Variants in PLCL2 observed in about 807,000 individuals in gnomAD.
PLCL2 encodes phospholipase C like 2.
A neutral mutation model predicts 79.6 loss-of-function variants in PLCL2; 4 were observed. The ratio of observed to expected loss-of-function variants is 0.05; its 90% confidence interval spans 0.02 to 0.11. PLCL2 has a LOEUF of 0.11. PLCL2 is among the 10% of genes least tolerant of loss of function. The pLI is 1.00. For missense variants in PLCL2, 895 were observed against 1,291.0 expected, an observed-to-expected ratio of 0.69 and a Z score of 4.70; for synonymous variants, 484 against 457.7, an observed-to-expected ratio of 1.06 and a Z score of -0.73.
chr3:16,929,395 A>T (rs1697342984), intron 1 of PLCL2, among the ~76,000 whole-genome samples: 1 of 152,062 alleles, frequency 6.6e-6, no homozygotes, highest in East Asian at 1.9e-4. Context: ...TCCCAAAAAG[A>T]CTTCTGGGAA....
intron 3 of PLCL2, among the ~76,000 whole-genome samples, chr3:17,019,536 G>A (rs57112991): frequency 0.052 from 7,881 of 152,090 alleles, 704 homozygotes; most frequent in African/African-American, 0.18. Context: ...AATGATCAAT[G>A]TAGCAATAAA....
At chr3:16,904,306 C>CAAAA (rs547582289) in intron 1 of PLCL2, among the ~76,000 whole-genome samples, 2 of 116,132 alleles carry the variant, frequency 1.7e-5, no homozygotes, top group Non-Finnish European at 3.6e-5. Context: ...GAGATCTTGA[C>CAAAA]AAAAAAAAAA....
intron 1 of PLCL2, among the ~76,000 whole-genome samples, chr3:16,973,934 G>A (rs1421315241): frequency 6.6e-6 from 1 of 152,220 alleles, no homozygotes; most frequent in Non-Finnish European, 1.5e-5. Context: ...AGAACATATA[G>A]TAGGAGAGTT....
At chr3:16,989,066 T>C (rs1335869878) in intron 1 of PLCL2, among the ~76,000 whole-genome samples, 1 of 152,114 alleles carries the variant, frequency 6.6e-6, no homozygotes, top group Non-Finnish European at 1.5e-5. Context: ...GCTTTCTCTT[T>C]ATGGCATTTG....
At chr3:17,045,891 T>C (rs6789069) in intron 4 of PLCL2, among the ~76,000 whole-genome samples, 24,348 of 152,076 alleles carry the variant, frequency 0.16, 2,352 homozygotes, top group Non-Finnish European at 0.2. Flanking sequence ...TGTTTTCCAT[T>C]GACGAGGTAA....
chr3:16,965,031 C>A (rs899703398), intron 1 of PLCL2, among the ~76,000 whole-genome samples: 4 of 151,616 alleles, frequency 2.6e-5, no homozygotes, highest in Non-Finnish European at 5.9e-5. Flanking sequence ...TTAATTAGAT[C>A]CCATTGGTCA....
rs567920972 is a variant in PLCL2, at chr3:17,042,744, G to A, written c.3019-130G>A. The A allele has an allele frequency of 2.9e-5, 19 of 657,698 alleles. No homozygotes were observed. In the East Asian group the frequency reaches 4.5e-4, roughly 16 times the overall value. The allele number at this position is 657,698 out of a possible 1,614,324, so 40.7% of individuals were successfully genotyped here. A position where few individuals can be genotyped will look rare whatever the true frequency, so the allele number is the denominator to read the frequency against. On this transcript the variant is annotated intron_variant, in intron 3 of 5. Coordinates refer to ENST00000615277, the MANE Select transcript of PLCL2 (RefSeq NM_001144382.2). ...TCACATGCACATTTGAAGTTGAGTA[G>A]TGGAAAGTCAGATAAAAAAGCGTTT...
At position 17,055,393 on chromosome 3, in the gene PLCL2, G is replaced by C. The variant is rs934548331; in HGVS notation, c.3094+12444G>C. The stretch of plus-strand genomic sequence containing the variant: ...CCTTCATCACTGATAAGGGATGGCA[G>C]AGGAAATGACCACAAAGACAACAAC... On this transcript the variant is annotated intron_variant, in intron 4 of 5. Coordinates refer to ENST00000615277, the MANE Select transcript of PLCL2 (RefSeq NM_001144382.2). Among the ~76,000 whole-genome samples, 5 of 152,268 alleles carry C rather than the reference G, an allele frequency of 3.3e-5. No individual in the cohort carries two copies. In the East Asian group the frequency reaches 7.7e-4, roughly 24 times the overall value.
chr3:16,957,222 T>A (rs1475045098), intron 1 of PLCL2, among the ~76,000 whole-genome samples: 1 of 152,204 alleles, frequency 6.6e-6, no homozygotes, highest in African/African-American at 2.4e-5. Flanking sequence ...GATTCTGGTA[T>A]GTTGTGTGTT....
intron 3 of PLCL2, among the ~76,000 whole-genome samples, chr3:17,018,001 CT>C (rs2064405631): frequency 6.6e-6 from 1 of 152,050 alleles, no homozygotes; most frequent in Non-Finnish European, 1.5e-5. Context: ...TGGGGTGAGC[CT>C]GGGACCTAGC....
chr3:17,027,602 A>G (rs1324490942), intron 3 of PLCL2, among the ~76,000 whole-genome samples: 1 of 152,124 alleles, frequency 6.6e-6, no homozygotes, highest in African/African-American at 2.4e-5. Context: ...ACCTTTGCCA[A>G]CCTAAATTAT....
chr3:17,071,897 G>A lies in PLCL2; in HGVS notation c.3204+3832G>A, dbSNP rs113690175. 6.5e-3 allele frequency among the ~76,000 whole-genome samples: 994 copies of A among 151,912 alleles called. 8 individuals carry two copies. Among genetic ancestry groups the A allele is most frequent in the Admixed American group, 0.011 (166 of 15,260 alleles). On this transcript the variant is annotated intron_variant, in intron 5 of 5. Coordinates refer to ENST00000615277, the MANE Select transcript of PLCL2 (RefSeq NM_001144382.2). ...GCTGGAGTCCAGTGGCACAATCTCG[G>A]CTCACTGCAACCTCTGCCTCCTGGG...
At chr3:17,001,071 C>A (rs77380358) in intron 1 of PLCL2, among the ~76,000 whole-genome samples, 1 of 151,172 alleles carries the variant, frequency 6.6e-6, no homozygotes, top group South Asian at 2.1e-4. Context: ...TCTACACCAG[C>A]TTTTTTTTTC....
chr3:16,983,722 A>G (rs1309424399), intron 1 of PLCL2, among the ~76,000 whole-genome samples: 2 of 152,244 alleles, frequency 1.3e-5, no homozygotes, highest in African/African-American at 4.8e-5. Context: ...TTATAATACT[A>G]ATAATGACCA....
At chr3:16,958,854 G>C (rs2063729454) in intron 1 of PLCL2, among the ~76,000 whole-genome samples, 1 of 152,204 alleles carries the variant, frequency 6.6e-6, no homozygotes, top group South Asian at 2.1e-4. Context: ...CAGGCTGCTG[G>C]TTCCCTTTGG....
chr3:17,074,689 G>A (rs996363308), intron 5 of PLCL2, among the ~76,000 whole-genome samples: 4 of 152,178 alleles, frequency 2.6e-5, no homozygotes, highest in African/African-American at 9.7e-5. Context: ...AATCTTCTGG[G>A]TAACTCACTG....
intron 3 of PLCL2, among the ~76,000 whole-genome samples, chr3:17,036,056 G>A (rs773750791): frequency 2.6e-5 from 4 of 152,072 alleles, no homozygotes; most frequent in Admixed American, 6.6e-5. Context: ...CTCTGGAAAC[G>A]GTTTGTTATT....
intron 1 of PLCL2, among the ~76,000 whole-genome samples, chr3:17,001,115 G>A (rs554467154): frequency 1.6e-3 from 237 of 152,064 alleles, no homozygotes; most frequent in African/African-American, 4.7e-3. Context: ...ACAGGGATGC[G>A]ATGATATCCT....
chr3:17,033,019 A>G (rs746020729), intron 3 of PLCL2, among the ~76,000 whole-genome samples: 12 of 152,170 alleles, frequency 7.9e-5, no homozygotes, highest in Non-Finnish European at 1.6e-4. Context: ...CTAGCTACCT[A>G]CAGATAAGAT....
Sources: allele counts gnomAD v4.1 joint callset (sites outside exome capture counted in the v4.1 genomes callset), GRCh38; gene constraint gnomAD v4.1.1; transcripts MANE v1.5; gene names NCBI Gene and HGNC (gene_info 2026-07-23, HGNC 2026-07-21).